Variants in PPM1E observed in about 807,000 individuals in gnomAD.
The protein encoded by PPM1E is protein phosphatase, Mg2+/Mn2+ dependent 1E, also known as protein phosphatase 1E.
PPM1E carries 20 observed loss-of-function variants against 65.9 expected under a neutral mutation model. The observed-to-expected ratio is 0.30, with a 90% confidence interval of 0.21 to 0.44. The LOEUF is 0.44. Ranked by LOEUF, PPM1E falls within the 20% of genes least tolerant of loss-of-function variation. PPM1E has a pLI of 1.00. For synonymous variants in PPM1E, 352 were observed against 374.9 expected, an observed-to-expected ratio of 0.94 and a Z score of 0.70; for missense variants, 713 against 953.1, an observed-to-expected ratio of 0.75 and a Z score of 3.32.
intron 1 of PPM1E, 89 bp from the exon 2 acceptor site, chr17:58,955,560 G>A (rs781488269): frequency 7.7e-6 from 11 of 1,429,568 alleles, no homozygotes; most frequent in Non-Finnish European, 1.1e-5. Flanking sequence ...TTGAGACAAT[G>A]TTATAATTAA....
intron 1 of PPM1E, among the ~76,000 whole-genome samples, chr17:58,918,831 G>C (rs1188112393): frequency 9.8e-6 from 1 of 102,204 alleles, no homozygotes; most frequent in African/African-American, 3.6e-5. Flanking sequence ...AAAAAAAAAA[G>C]CTTCTAAAAA....
At chr17:58,882,596 G>A (rs534437186) in intron 1 of PPM1E, among the ~76,000 whole-genome samples, 1 of 152,118 alleles carries the variant, frequency 6.6e-6, no homozygotes, top group South Asian at 2.1e-4. Flanking sequence ...TCACCATGTT[G>A]GCCAGGCTGG....
chr17:58,850,821 C>G (rs1348534992), intron 1 of PPM1E, among the ~76,000 whole-genome samples: 2 of 152,166 alleles, frequency 1.3e-5, no homozygotes, highest in Non-Finnish European at 1.5e-5. Flanking sequence ...TGAATGTTGG[C>G]CTGCCTTGCT....
chr17:58,965,585 A>C (rs1192137368), intron 2 of PPM1E, 109 bp from the exon 3 acceptor site: 1 of 1,016,440 alleles, frequency 9.8e-7, no homozygotes, highest in Non-Finnish European at 1.5e-6. Context: ...AATTTCTTCT[A>C]TGAAGGAGGA....
chr17:58,964,094 C>T lies in PPM1E; in HGVS notation c.584-1600C>T, dbSNP rs556288355. 3.1e-3 allele frequency among the ~76,000 whole-genome samples: 477 copies of T among 152,248 alleles called. 4 individuals carry two copies. The highest frequency in any genetic ancestry group is 5.4e-3 in the Non-Finnish European group (369 of 68,018). ...GACTGAGAATCAAGTTGGGAGTCCA[C>T]GTCCCAGGCTGTTCTAGAACATATA... On this transcript the variant is annotated intron_variant, in intron 2 of 6. Transcript: ENST00000308249.
chr17:58,963,758 A>G (rs7218105), intron 2 of PPM1E, among the ~76,000 whole-genome samples: 96,733 of 151,834 alleles, frequency 0.64, 31,190 homozygotes, highest in African/African-American at 0.71. Context: ...GGGTATTAGC[A>G]GGCACCTGTA....
intron 1 of PPM1E, among the ~76,000 whole-genome samples, chr17:58,879,501 C>CTTTTTT (rs71367639): frequency 1.2e-4 from 11 of 88,804 alleles, no homozygotes; most frequent in African/African-American, 3.7e-4. Flanking sequence ...CTGAGATTAA[C>CTTTTTT]TTTTTTTTTT....
At chr17:58,827,643 C>T (rs2050552786) in intron 1 of PPM1E, among the ~76,000 whole-genome samples, 1 of 151,890 alleles carries the variant, frequency 6.6e-6, no homozygotes, top group African/African-American at 2.4e-5. Flanking sequence ...TGGCTTATGC[C>T]TGTAATCCCA....
At chr17:58,758,033 G>T (rs966353911) in intron 1 of PPM1E, among the ~76,000 whole-genome samples, 2 of 152,102 alleles carry the variant, frequency 1.3e-5, no homozygotes, top group Admixed American at 6.5e-5. Context: ...TTTATTAAGG[G>T]AATTTATCTT....
intron 1 of PPM1E, among the ~76,000 whole-genome samples, chr17:58,836,469 T>A (rs1342328974): frequency 4.8e-5 from 7 of 144,886 alleles, no homozygotes; most frequent in East Asian, 2.1e-4. Context: ...AAAAAAAAAA[T>A]TTTTTTTTTC....
At chr17:58,906,886 G>A (rs1205283017) in intron 1 of PPM1E, among the ~76,000 whole-genome samples, 1 of 151,686 alleles carries the variant, frequency 6.6e-6, no homozygotes, top group East Asian at 1.9e-4. Flanking sequence ...TTTTCATTTA[G>A]TTCAAAATAT....
rs2031407212 is a variant in PPM1E at position 58,982,366 on chromosome 17, T to G, written c.*1335T>G. The G allele has an allele frequency of 6.6e-6, 1 of 152,382 alleles. No individual in the cohort carries two copies. The highest frequency in any genetic ancestry group is 1.5e-5 in the Non-Finnish European group (1 of 68,162). The allele number at this position is 152,382 out of a possible 1,614,324, so 9.4% of individuals were successfully genotyped here. Reference sequence around the variant, plus strand: ...CATTCAGTGAAGCAGCCTCTGATTCTCTAAGAGTCACGAATGTCTTAGTGT... The same window carrying G: ...CATTCAGTGAAGCAGCCTCTGATTCGCTAAGAGTCACGAATGTCTTAGTGT... On this transcript the variant is annotated 3_prime_UTR_variant, in exon 7 of 7. Coordinates refer to ENST00000308249, the MANE Select transcript of PPM1E (RefSeq NM_014906.5).
chr17:58,785,336 C>T (rs2050088435), intron 1 of PPM1E: 1 of 147,774 alleles, frequency 6.8e-6, no homozygotes, highest in Non-Finnish European at 1.5e-5. Context: ...GACAGAGTCT[C>T]ACTCTGTTGC....
chr17:58,881,996 CAAAAAA>C (rs58449667), intron 1 of PPM1E, among the ~76,000 whole-genome samples: 56 of 62,214 alleles, frequency 9.0e-4, no homozygotes, highest in Non-Finnish European at 8.4e-4. Context: ...CCTGTCTCTA[CAAAAAA>C]AAAAAAAAAA....
chr17:58,809,232 C>T (rs1202187053), intron 1 of PPM1E, among the ~76,000 whole-genome samples: 1 of 151,848 alleles, frequency 6.6e-6, no homozygotes, highest in Non-Finnish European at 1.5e-5. Flanking sequence ...ACTACAGGTG[C>T]GAACTACCAT....
At chr17:58,832,194 A>G (rs771575140) in intron 1 of PPM1E, among the ~76,000 whole-genome samples, 3 of 152,142 alleles carry the variant, frequency 2.0e-5, no homozygotes, top group Non-Finnish European at 2.9e-5. Flanking sequence ...TAGTTTCTCT[A>G]TTTGATCCTC....
At chr17:58,814,002 C>A (rs1215416994) in intron 1 of PPM1E, among the ~76,000 whole-genome samples, 1 of 151,810 alleles carries the variant, frequency 6.6e-6, no homozygotes, top group Non-Finnish European at 1.5e-5. Flanking sequence ...AAGAAATAGT[C>A]CCCTAAATAA....
chr17:58,771,559 G>C (rs1314582264), intron 1 of PPM1E, among the ~76,000 whole-genome samples: 1 of 151,448 alleles, frequency 6.6e-6, no homozygotes, highest in Admixed American at 6.6e-5. Context: ...GGGAGGTGGA[G>C]TTGCAGTGAG....
In PPM1E at chr17:58,756,189, G is replaced by A. The variant is rs757384878; in HGVS notation, c.192G>A (p.Glu64=). ...VEAEAAEASV[E]EPGEEAATVA... is the part of the protein sequence containing the mutation. Reference sequence around the variant, plus strand: ...CTGAGGCGGCCGAGGCTTCGGTAGAGGAACCCGGGGAGGAGGCGGCCACGG... The same window carrying A: ...CTGAGGCGGCCGAGGCTTCGGTAGAAGAACCCGGGGAGGAGGCGGCCACGG... The change falls in exon 1 of 7, where the codon GAG becomes GAA. Residue 64 remains glutamate, a synonymous_variant. Transcript: ENST00000308249. The A allele has an allele frequency of 1.3e-6, 2 of 1,563,900 alleles. No individual in the cohort carries two copies. Among genetic ancestry groups the A allele is most frequent in the East Asian group, 2.4e-5 (1 of 42,432 alleles).
Sources: allele counts gnomAD v4.1 joint callset (sites outside exome capture counted in the v4.1 genomes callset), GRCh38; gene constraint gnomAD v4.1.1; transcripts MANE v1.5; gene names NCBI Gene and HGNC (gene_info 2026-07-23, HGNC 2026-07-21).